The following GRID2 variants were observed in gnomAD, a reference collection of about 807,000 sequenced individuals.
The protein encoded by GRID2 is glutamate receptor ionotropic, delta-2.
Under a neutral mutation model 114.8 loss-of-function variants are expected in GRID2, and 33 were observed. The observed-to-expected ratio is 0.29, with a 90% CI of 0.22 to 0.38. GRID2 has a LOEUF of 0.38. Ranked by LOEUF, GRID2 falls within the 10% of genes least tolerant of loss-of-function variation. The probability of loss-of-function intolerance (pLI) is 1.00; values close to 1 mark genes in which losing one functional copy is unlikely to be tolerated. For missense variants in GRID2, 1,184 were observed against 1,257.7 expected (o/e 0.94, Z 0.89); for synonymous variants, 505 against 449.9 (o/e 1.12, Z -1.55).
intron 1 of GRID2, among the ~76,000 whole-genome samples, chr4:93,781,029 A>C (rs1037815011): frequency 1.3e-5 from 2 of 152,214 alleles, no homozygotes; most frequent in African/African-American, 4.8e-5. Flanking sequence ...GTAAAAGAGA[A>C]AACAAGTCAA....
chr4:93,023,541 A>T, intron 2 of GRID2, among the ~76,000 whole-genome samples: 1 of 151,908 alleles, frequency 6.6e-6, no homozygotes, highest in East Asian at 1.9e-4. Context: ...ATTTTCTCAC[A>T]AAGGAATTAA....
At chr4:93,768,539 G>T (rs534341976) in intron 14 of GRID2, among the ~76,000 whole-genome samples, 12 of 152,186 alleles carry the variant, frequency 7.9e-5, no homozygotes, top group African/African-American at 2.7e-4. Context: ...GAAAGCCTCT[G>T]GTCAGGTTTT....
chr4:93,669,952 A>G (rs17020955), intron 14 of GRID2, among the ~76,000 whole-genome samples: 6,194 of 152,184 alleles, frequency 0.041, 415 homozygotes, highest in African/African-American at 0.14. Context: ...TAAAATTCCA[A>G]TGCTATACCC....
intron 8 of GRID2, among the ~76,000 whole-genome samples, chr4:93,279,286 AG>A (rs1752400301): frequency 6.6e-6 from 1 of 151,926 alleles, no homozygotes; most frequent in South Asian, 2.1e-4. Flanking sequence ...TACTTCACTT[AG>A]GCACACTACG....
At chr4:93,260,239 A>G (rs1340780931) in intron 8 of GRID2, among the ~76,000 whole-genome samples, 1 of 151,684 alleles carries the variant, frequency 6.6e-6, no homozygotes, top group Non-Finnish European at 1.5e-5. Flanking sequence ...TATTTTGGAA[A>G]CAAAATTTCC....
intron 2 of GRID2, among the ~76,000 whole-genome samples, chr4:92,801,023 G>A (rs1231864104): frequency 6.6e-6 from 1 of 151,972 alleles, no homozygotes; most frequent in African/African-American, 2.4e-5. Context: ...GTTGAAATAT[G>A]CAATGCATAT....
intron 1 of GRID2, among the ~76,000 whole-genome samples, chr4:92,466,983 T>A (rs571347675): frequency 5.9e-5 from 9 of 151,942 alleles, no homozygotes; most frequent in African/African-American, 2.2e-4. Context: ...TGTTTTAAAA[T>A]CTTAATTATC....
intron 2 of GRID2, among the ~76,000 whole-genome samples, chr4:92,805,189 A>T (rs1030355643): frequency 3.3e-5 from 5 of 151,926 alleles, no homozygotes; most frequent in African/African-American, 1.2e-4. Flanking sequence ...TTTTACAACG[A>T]TATCGTTATT....
At chr4:93,389,479 C>A (rs1172160251) in intron 8 of GRID2, among the ~76,000 whole-genome samples, 1 of 151,804 alleles carries the variant, frequency 6.6e-6, no homozygotes, top group Admixed American at 6.6e-5. Flanking sequence ...AACTGGAGAA[C>A]CAAAAAGAAA....
At chr4:92,928,200 C>T (rs1367562484) in intron 2 of GRID2, among the ~76,000 whole-genome samples, 2 of 151,532 alleles carry the variant, frequency 1.3e-5, no homozygotes, top group Non-Finnish European at 3.0e-5. Context: ...TTATAAATTC[C>T]CACTAACTAC....
chr4:93,694,420 G>A (rs1046443737), intron 14 of GRID2, among the ~76,000 whole-genome samples: 2 of 152,118 alleles, frequency 1.3e-5, no homozygotes, highest in African/African-American at 2.4e-5. Flanking sequence ...TACTTGCTAC[G>A]CATGACACCT....
chr4:93,294,616 T>C (rs1035910494), intron 8 of GRID2, among the ~76,000 whole-genome samples: 1 of 152,134 alleles, frequency 6.6e-6, no homozygotes, highest in Admixed American at 6.5e-5. Context: ...TGGAGTGCAG[T>C]GGTGTGATCT....
intron 2 of GRID2, among the ~76,000 whole-genome samples, chr4:92,729,018 A>T (rs565379414): frequency 6.6e-6 from 1 of 151,984 alleles, no homozygotes; most frequent in South Asian, 2.1e-4. Flanking sequence ...CTAGGTATTC[A>T]TTCTATAATG....
chr4:92,417,191 G>T (rs193258135), intron 1 of GRID2, among the ~76,000 whole-genome samples: 1 of 152,110 alleles, frequency 6.6e-6, no homozygotes, highest in African/African-American at 2.4e-5. Flanking sequence ...TTTTGAAAAT[G>T]GGAAAATAAT....
chr4:92,619,952 T>C (rs1174560525), intron 2 of GRID2, among the ~76,000 whole-genome samples: 1 of 151,724 alleles, frequency 6.6e-6, no homozygotes, highest in Non-Finnish European at 1.5e-5. Context: ...ATTCAGTTTT[T>C]ATGGAATAAG....
At chr4:93,044,456 T>C (rs1725931685) in intron 2 of GRID2, among the ~76,000 whole-genome samples, 1 of 152,136 alleles carries the variant, frequency 6.6e-6, no homozygotes, top group South Asian at 2.1e-4. Flanking sequence ...CGTTCAAATA[T>C]AGGAAAGAAG....
rs563370905 is a variant in GRID2, at chr4:93,042,388, G to GTGTATATATACATACATACATATATACA, written c.245-42596_245-42569dup. Among the ~76,000 whole-genome samples, 355 of 143,950 alleles carry GTGTATATATACATACATACATATATACA rather than the reference G, an allele frequency of 2.5e-3. 1 individual carries two copies. Among genetic ancestry groups the GTGTATATATACATACATACATATATACA allele is most frequent in the African/African-American group, 8.8e-3 (344 of 39,004 alleles). 94.4% of individuals were successfully genotyped at this position (143,950 alleles called of 152,430 possible). A position where few individuals can be genotyped will look rare whatever the true frequency, so the allele number is the denominator to read the frequency against. On this transcript the variant is annotated intron_variant, in intron 2 of 15. Coordinates refer to ENST00000282020, the MANE Select transcript of GRID2 (RefSeq NM_001510.4). Reference sequence around the variant, plus strand: ...ACTTAAAGTATAATTTTATATATATGTGTATATATACATACATACATATAT... The same window carrying GTGTATATATACATACATACATATATACA: ...ACTTAAAGTATAATTTTATATATATGTGTATATATACATACATACATATATACATGTATATATACATACATACATATAT...
chr4:92,831,454 C>A (rs1363893304), intron 2 of GRID2, among the ~76,000 whole-genome samples: 2 of 150,586 alleles, frequency 1.3e-5, no homozygotes, highest in Non-Finnish European at 2.9e-5. Context: ...AACACTTTTA[C>A]TCTGTAGTCA....
intron 2 of GRID2, among the ~76,000 whole-genome samples, chr4:93,011,181 G>T (rs1002209365): frequency 1.3e-5 from 2 of 148,262 alleles, no homozygotes; most frequent in Non-Finnish European, 3.0e-5. Context: ...AATTACTTTT[G>T]GAAGGAAGAG....
Sources: allele counts gnomAD v4.1 joint callset (sites outside exome capture counted in the v4.1 genomes callset), GRCh38; gene constraint gnomAD v4.1.1; transcripts MANE v1.5; gene names NCBI Gene and HGNC (gene_info 2026-07-23, HGNC 2026-07-21).